Variants in RAP1A observed in about 807,000 individuals in gnomAD.
The protein encoded by RAP1A is RAP1A, member of RAS oncogene family.
Under a neutral mutation model 26.4 loss-of-function variants are expected in RAP1A, and 6 were observed. The ratio of observed to expected loss-of-function variants is 0.23; its 90% confidence interval spans 0.12 to 0.45. The LOEUF is 0.45. Among genes scored for constraint, RAP1A ranks in the 20% least tolerant of loss-of-function variants. The pLI, the probability that RAP1A is intolerant of heterozygous loss-of-function variation, is 0.99. For synonymous variants in RAP1A, 73 were observed against 79.4 expected, an observed-to-expected ratio of 0.92 and a Z score of 0.43; for missense variants, 121 against 217.2, an observed-to-expected ratio of 0.56 and a Z score of 2.78.
chr1:111,582,550 A>G (rs1217356069), intron 1 of RAP1A, among the ~76,000 whole-genome samples: 2 of 152,144 alleles, frequency 1.3e-5, no homozygotes, highest in Non-Finnish European at 1.5e-5. Flanking sequence ...CTTGACTGAG[A>G]CATTCATTTT....
At chr1:111,618,382 C>G (rs2101084732), upstream of RAP1A, among the ~76,000 whole-genome samples, 1 of 152,300 alleles carries the variant, frequency 6.6e-6, no homozygotes, top group African/African-American at 2.4e-5. Flanking sequence ...AAACAATTAT[C>G]TTGTTTTCCA....
chr1:111,658,403 C>T (rs1660532204), intron 1 of RAP1A, among the ~76,000 whole-genome samples: 1 of 151,984 alleles, frequency 6.6e-6, no homozygotes, highest in Non-Finnish European at 1.5e-5. Flanking sequence ...CTTATTGTAA[C>T]TTTTTTACTT....
chr1:111,599,022 G>A (rs1658616124), intron 1 of RAP1A, among the ~76,000 whole-genome samples: 1 of 152,144 alleles, frequency 6.6e-6, no homozygotes, highest in Non-Finnish European at 1.5e-5. Flanking sequence ...CAAGCATACA[G>A]ATGATGAGGT....
chr1:111,636,666 A>G (rs1659738252), intron 1 of RAP1A, among the ~76,000 whole-genome samples: 1 of 151,796 alleles, frequency 6.6e-6, no homozygotes, highest in Non-Finnish European at 1.5e-5. Context: ...TATTTTTAGT[A>G]GAGACAGGGT....
intron 1 of RAP1A, chr1:111,608,135 CT>C: frequency 1.2e-5 from 2 of 173,214 alleles, no homozygotes; most frequent in Non-Finnish European, 2.5e-5. Context: ...GGGCTCCTCA[CT>C]TTTCAGACGG....
At chr1:111,589,157 T>A (rs781339809) in intron 1 of RAP1A, among the ~76,000 whole-genome samples, 9 of 152,242 alleles carry the variant, frequency 5.9e-5, no homozygotes, top group Non-Finnish European at 1.0e-4. Context: ...TTTATTAGTT[T>A]TAGCATCTGG....
At chr1:111,627,042 A>G (rs1659422475) in intron 1 of RAP1A, among the ~76,000 whole-genome samples, 1 of 152,186 alleles carries the variant, frequency 6.6e-6, no homozygotes, top group South Asian at 2.1e-4. Flanking sequence ...ATTCCAAGTA[A>G]TATGCCCTTG....
chr1:111,619,981 G>C, intron 1 of RAP1A, 47 bp downstream of exon 1: 1 of 397,084 alleles, frequency 2.5e-6, no homozygotes, highest in East Asian at 3.6e-5. Flanking sequence ...GGGAGCGGGG[G>C]GCGCGGGTCG....
intron 1 of RAP1A, among the ~76,000 whole-genome samples, chr1:111,655,100 C>A (rs774194353): frequency 1.3e-5 from 2 of 151,932 alleles, no homozygotes; most frequent in Non-Finnish European, 2.9e-5. Context: ...AAATTACTCA[C>A]AACAGAACTT....
intron 6 of RAP1A, among the ~76,000 whole-genome samples, chr1:111,707,235 C>T (rs535204836): frequency 1.3e-5 from 2 of 151,378 alleles, no homozygotes; most frequent in African/African-American, 2.4e-5. Flanking sequence ...TTTTTTTTAA[C>T]GGTTAATTTA....
intron 1 of RAP1A, among the ~76,000 whole-genome samples, chr1:111,584,741 G>A (rs77415106): frequency 0.013 from 2,035 of 152,204 alleles, 49 homozygotes; most frequent in East Asian, 0.069. Context: ...TACTTTATAT[G>A]CCTGATGTGG....
At chr1:111,546,364 A>G (rs549175884) in intron 1 of RAP1A, among the ~76,000 whole-genome samples, 5 of 152,172 alleles carry the variant, frequency 3.3e-5, no homozygotes, top group African/African-American at 9.6e-5. Flanking sequence ...ATCCATCTCT[A>G]AAACTGTTTT....
chr1:111,682,766 G>A (rs1054029215), intron 1 of RAP1A, among the ~76,000 whole-genome samples: 3 of 151,994 alleles, frequency 2.0e-5, no homozygotes, highest in Non-Finnish European at 2.9e-5. Context: ...TTAGATCAAC[G>A]AGACAGAAAA....
In RAP1A at chr1:111,689,091, C is replaced by T. The variant is rs535910083; in HGVS notation, c.-27-2243C>T. ...CCTCAAGTGATCTGCCCATCTTGGC[C>T]TCCCAAAGTGCTGGGATTACAGGCA... On this transcript the variant is annotated intron_variant, in intron 1 of 7. Coordinates refer to ENST00000369709, the MANE Select transcript of RAP1A (RefSeq NM_002884.4). Among the ~76,000 whole-genome samples, 5 of 152,166 alleles carry T rather than the reference C, an allele frequency of 3.3e-5. No homozygotes were observed. In the South Asian group the frequency reaches 1.0e-3, roughly 32 times the overall value.
intron 1 of RAP1A, among the ~76,000 whole-genome samples, chr1:111,552,965 T>C (rs1289717835): frequency 6.6e-6 from 1 of 152,222 alleles, no homozygotes; most frequent in Non-Finnish European, 1.5e-5. Flanking sequence ...TATATACTCA[T>C]CTCTAGGACT....
intron 6 of RAP1A, among the ~76,000 whole-genome samples, chr1:111,708,252 CG>C (rs11314839): frequency 1 from 152,354 of 152,360 alleles, 76,174 homozygotes; most frequent in Middle Eastern, 1. Flanking sequence ...CTACTTTTTA[CG>C]TTTAACCAAA....
At chr1:111,584,611 T>C (rs1571483658) in intron 1 of RAP1A, among the ~76,000 whole-genome samples, 2 of 152,160 alleles carry the variant, frequency 1.3e-5, no homozygotes, top group East Asian at 3.8e-4. Flanking sequence ...AACATATGCA[T>C]GTGGGGGGAC....
At chr1:111,543,506 A>G (rs1264475602) in intron 1 of RAP1A, among the ~76,000 whole-genome samples, 1 of 152,168 alleles carries the variant, frequency 6.6e-6, no homozygotes, top group Non-Finnish European at 1.5e-5. Context: ...GAGAGTATTC[A>G]CCAAAATGTT....
intron 1 of RAP1A, among the ~76,000 whole-genome samples, chr1:111,681,513 G>C (rs551283930): frequency 6.6e-6 from 1 of 152,312 alleles, no homozygotes; most frequent in South Asian, 2.1e-4. Context: ...TAAATGACCT[G>C]ATGGAGCTGA....
Sources: gnomAD v4.1 joint callset for allele counts (sites outside exome capture counted in the v4.1 genomes callset) on GRCh38, gnomAD v4.1.1 for gene constraint, MANE v1.5 for transcripts, NCBI Gene and HGNC (gene_info 2026-07-23, HGNC 2026-07-21) for gene names.